The following CSTPP1 variants were observed in gnomAD, a reference collection of about 807,000 sequenced individuals.
The protein encoded by CSTPP1 is centriolar satellite-associated tubulin polyglutamylase complex regulator 1.
the CSTPP1 span, among the ~76,000 whole-genome samples, chr11:46,965,597 C>T: frequency 1.3e-5 from 2 of 152,106 alleles, no homozygotes; most frequent in African/African-American, 2.4e-5. Context: ...TTGTTTTACA[C>T]TTTTGCATAT....
the CSTPP1 span, among the ~76,000 whole-genome samples, chr11:46,982,991 G>T: frequency 6.6e-6 from 1 of 152,192 alleles, no homozygotes; most frequent in East Asian, 1.9e-4. Context: ...GTAAATGACA[G>T]AGCTAGAAAT....
chr11:46,941,050 T>C, the CSTPP1 span, among the ~76,000 whole-genome samples: 12 of 152,288 alleles, frequency 7.9e-5, no homozygotes, highest in South Asian at 4.1e-4. Flanking sequence ...CTCAGGTTGG[T>C]TGAAAAAGCT....
the CSTPP1 span, chr11:47,138,016 C>A: frequency 4.0e-6 from 2 of 500,656 alleles, no homozygotes; most frequent in African/African-American, 1.9e-5. Context: ...AATACCCCCA[C>A]ACACACACAC....
chr11:47,100,800 C>A, the CSTPP1 span, among the ~76,000 whole-genome samples: 2 of 152,102 alleles, frequency 1.3e-5, no homozygotes, highest in Non-Finnish European at 2.9e-5. Flanking sequence ...AAAAAACAAA[C>A]AAAAGAGATA....
the CSTPP1 span, among the ~76,000 whole-genome samples, chr11:47,005,626 A>T: frequency 6.6e-6 from 1 of 152,214 alleles, no homozygotes; most frequent in Non-Finnish European, 1.5e-5. Context: ...CATATTTTGC[A>T]ACATGAAAGC....
At chr11:47,090,246 A>G in the CSTPP1 span, among the ~76,000 whole-genome samples, 1 of 152,104 alleles carries the variant, frequency 6.6e-6, no homozygotes, top group African/African-American at 2.4e-5. Context: ...TGGCCTCCCA[A>G]AGTGCTAGGA....
At chr11:46,996,062 G>A in the CSTPP1 span, among the ~76,000 whole-genome samples, 1 of 151,976 alleles carries the variant, frequency 6.6e-6, no homozygotes. Context: ...GATCTTTGTT[G>A]GTTTAAAGTC....
the CSTPP1 span, among the ~76,000 whole-genome samples, chr11:47,122,732 A>AAT: frequency 6.6e-6 from 1 of 152,070 alleles, no homozygotes; most frequent in South Asian, 2.1e-4. Flanking sequence ...GGTGTGCACC[A>AAT]CTGTGCCTGG....
At chr11:46,942,108 A>G in the CSTPP1 span, among the ~76,000 whole-genome samples, 2 of 152,198 alleles carry the variant, frequency 1.3e-5, no homozygotes, top group Admixed American at 6.5e-5. Context: ...GCATGGCTTA[A>G]GATCTTAAGA....
At chr11:46,965,732 G>A in the CSTPP1 span, among the ~76,000 whole-genome samples, 1 of 152,106 alleles carries the variant, frequency 6.6e-6, no homozygotes, top group Non-Finnish European at 1.5e-5. Flanking sequence ...ACACAGATAC[G>A]TAGTTCAAAA....
chr11:46,939,897 G>A, the CSTPP1 span, among the ~76,000 whole-genome samples: 49 of 152,132 alleles, frequency 3.2e-4, no homozygotes, highest in Admixed American at 7.2e-4. Flanking sequence ...TTGAGACAGA[G>A]TCTCACTCTG....
At chr11:46,992,218 CTTTTTTTAT>C in the CSTPP1 span, among the ~76,000 whole-genome samples, 2 of 151,404 alleles carry the variant, frequency 1.3e-5, no homozygotes, top group Non-Finnish European at 2.9e-5. Flanking sequence ...TCCTCCCTTT[CTTTTTTTAT>C]TTTTTTTATT....
At chr11:46,949,135 CTG>C in the CSTPP1 span, among the ~76,000 whole-genome samples, 1 of 152,140 alleles carries the variant, frequency 6.6e-6, no homozygotes, top group African/African-American at 2.4e-5. Flanking sequence ...ATAGAAAACA[CTG>C]TTATTATTCT....
chr11:46,996,263 T>G, the CSTPP1 span, among the ~76,000 whole-genome samples: 1 of 152,124 alleles, frequency 6.6e-6, no homozygotes, highest in Non-Finnish European at 1.5e-5. Flanking sequence ...AACTGGAGCA[T>G]TTAGCCCATT....
chr11:47,158,282 G>C, the CSTPP1 span, among the ~76,000 whole-genome samples: 1 of 152,024 alleles, frequency 6.6e-6, no homozygotes, highest in African/African-American at 2.4e-5. Flanking sequence ...ATATCAAAGA[G>C]ACCTGAATCC....
At chr11:47,150,235 G>A in the CSTPP1 span, among the ~76,000 whole-genome samples, 2 of 152,068 alleles carry the variant, frequency 1.3e-5, no homozygotes, top group African/African-American at 4.8e-5. Context: ...CCTTCGCCAA[G>A]TTTCTTAATC....
the CSTPP1 span, among the ~76,000 whole-genome samples, chr11:46,999,452 T>C: frequency 1.3e-5 from 2 of 152,194 alleles, no homozygotes; most frequent in East Asian, 1.9e-4. Flanking sequence ...GAGTCCACTG[T>C]TCTCTACTGC....
At chr11:46,967,088 T>C in the CSTPP1 span, among the ~76,000 whole-genome samples, 27 of 152,330 alleles carry the variant, frequency 1.8e-4, no homozygotes, top group Non-Finnish European at 3.1e-4. Context: ...TTTTCTTTAA[T>C]AGCTCATATA....
the CSTPP1 span, among the ~76,000 whole-genome samples, chr11:47,100,189 G>A: frequency 6.6e-6 from 1 of 151,966 alleles, no homozygotes. Context: ...TCTTCTTTGA[G>A]GCAAGATATG....
Sources: allele counts gnomAD v4.1 joint callset (sites outside exome capture counted in the v4.1 genomes callset), GRCh38; gene constraint gnomAD v4.1.1; transcripts MANE v1.5; gene names NCBI Gene and HGNC (gene_info 2026-07-23, HGNC 2026-07-21).